The following CDH13 variants were observed in gnomAD, a reference collection of about 807,000 sequenced individuals.
CDH13 encodes cadherin-13.
In CDH13, 24 loss-of-function variants were observed where a neutral mutation model predicts 63.8. The observed-to-expected ratio is 0.38, with a 90% CI of 0.27 to 0.53. The LOEUF is 0.53. Among genes scored for constraint, CDH13 ranks in the 20% least tolerant of loss-of-function variants. CDH13 has a pLI of 0.85. For missense variants in CDH13, 1,049 were observed against 903.1 expected, an observed-to-expected ratio of 1.16 and a Z score of -2.07; for synonymous variants, 503 against 355.3, an observed-to-expected ratio of 1.42 and a Z score of -4.67.
At chr16:83,057,906 G>T (rs1484462377) in intron 3 of CDH13, among the ~76,000 whole-genome samples, 2 of 152,090 alleles carry the variant, frequency 1.3e-5, no homozygotes, top group Non-Finnish European at 1.5e-5. Context: ...TCAATGGTAA[G>T]GTTCCTCCCT....
chr16:82,934,163 C>G (rs1401756392), intron 2 of CDH13, among the ~76,000 whole-genome samples: 1 of 152,262 alleles, frequency 6.6e-6, no homozygotes. Flanking sequence ...CTGCAGCAGA[C>G]TTCTGCCTGG....
intron 2 of CDH13, among the ~76,000 whole-genome samples, chr16:82,878,204 G>T (rs1358332027): frequency 1.3e-5 from 2 of 151,802 alleles, no homozygotes; most frequent in Non-Finnish European, 2.9e-5. Context: ...AGGATCTCAG[G>T]GTGGGTGGCA....
At chr16:83,269,866 T>C (rs1474451073) in intron 5 of CDH13, among the ~76,000 whole-genome samples, 1 of 152,180 alleles carries the variant, frequency 6.6e-6, no homozygotes, top group Non-Finnish European at 1.5e-5. Flanking sequence ...CTCATCTGAT[T>C]TGTCTGTCCT....
rs542393226 is a variant in CDH13 at position 82,813,636 on chromosome 16, G to C, written c.46-44726G>C. 5.9e-5 allele frequency among the ~76,000 whole-genome samples: 9 copies of C among 152,258 alleles called. No homozygotes were observed. In the South Asian group the frequency reaches 1.2e-3, roughly 21 times the overall value. On this transcript the variant is annotated intron_variant, in intron 1 of 13. Transcript: ENST00000567109. ...TGTGTCTGTGGCTATACAGACCCCA[G>C]ATTGCTGGGGCTGGACTTTGCATGT...
At chr16:82,943,166 C>T (rs970981583) in intron 2 of CDH13, among the ~76,000 whole-genome samples, 8 of 152,140 alleles carry the variant, frequency 5.3e-5, no homozygotes, top group African/African-American at 1.9e-4. Context: ...TGTCATCTCC[C>T]ACTTACTGAG....
intron 13 of CDH13, among the ~76,000 whole-genome samples, chr16:83,793,094 C>A (rs1288377674): frequency 6.6e-6 from 1 of 152,152 alleles, no homozygotes; most frequent in African/African-American, 2.4e-5. Context: ...TGATTAATTT[C>A]TTTCTTTTTT....
intron 1 of CDH13, among the ~76,000 whole-genome samples, chr16:82,722,299 A>G (rs965221861): frequency 2.0e-5 from 3 of 152,074 alleles, no homozygotes; most frequent in Admixed American, 1.3e-4. Flanking sequence ...GTTTCTCTCC[A>G]TCTCTTGGCT....
intron 7 of CDH13, among the ~76,000 whole-genome samples, chr16:83,563,089 A>G (rs75123585): frequency 0.13 from 20,493 of 152,252 alleles, 1,962 homozygotes; most frequent in East Asian, 0.41. Flanking sequence ...GAGTAAGTAT[A>G]TGAATGATGC....
chr16:82,969,950 T>TA lies in CDH13; in HGVS notation c.158-62059dup, dbSNP rs1200765069. On this transcript the variant is annotated intron_variant, in intron 2 of 13. Transcript: ENST00000567109. ...CATTTAGTATTTCTCTTTTTTTTTTTATTATACTTTAAGTTCTGGGGTACG... is the reference window on the plus strand; with the variant it reads ...CATTTAGTATTTCTCTTTTTTTTTTTAATTATACTTTAAGTTCTGGGGTACG... Among the ~76,000 whole-genome samples the TA allele has an allele frequency of 2.0e-5, 3 of 152,004 alleles. No homozygotes were observed. The East Asian group carries it at 5.8e-4, about 29-fold the overall frequency.
At chr16:83,251,961 A>G (rs973750590) in intron 5 of CDH13, among the ~76,000 whole-genome samples, 2 of 151,830 alleles carry the variant, frequency 1.3e-5, no homozygotes, top group African/African-American at 4.8e-5. Context: ...AATCCCTACA[A>G]AGACCCTTAT....
intron 3 of CDH13, among the ~76,000 whole-genome samples, chr16:83,052,957 G>A (rs572494650): frequency 2.6e-5 from 4 of 152,110 alleles, no homozygotes; most frequent in Middle Eastern, 3.4e-3. Context: ...TTCTTTCCAC[G>A]ATAGAAGACC....
At chr16:83,693,086 GA>G (rs1482647249) in intron 10 of CDH13, among the ~76,000 whole-genome samples, 1 of 151,884 alleles carries the variant, frequency 6.6e-6, no homozygotes, top group Non-Finnish European at 1.5e-5. Flanking sequence ...CCATCTCGAA[GA>G]AAAAAAGAAA....
intron 6 of CDH13, among the ~76,000 whole-genome samples, chr16:83,449,802 G>C (rs1157819512): frequency 6.6e-6 from 1 of 152,176 alleles, no homozygotes; most frequent in Non-Finnish European, 1.5e-5. Context: ...TTAACGCTGG[G>C]ACGTACTCTG....
chr16:82,698,113 C>T (rs1003907737), intron 1 of CDH13, among the ~76,000 whole-genome samples: 2 of 152,170 alleles, frequency 1.3e-5, no homozygotes, highest in Non-Finnish European at 2.9e-5. Context: ...CAGGCAGGTT[C>T]TAACTGTTGC....
intron 6 of CDH13, among the ~76,000 whole-genome samples, chr16:83,413,843 T>G (rs777248263): frequency 3.3e-5 from 5 of 151,852 alleles, no homozygotes; most frequent in Non-Finnish European, 7.4e-5. Flanking sequence ...CAAAAAAAAT[T>G]TGCTAGGTGT....
At chr16:82,984,454 A>G (rs77944841) in intron 2 of CDH13, among the ~76,000 whole-genome samples, 2,883 of 152,322 alleles carry the variant, frequency 0.019, 37 homozygotes, top group South Asian at 0.031. Flanking sequence ...AAGATATTCA[A>G]CTTCTCAGAA....
intron 1 of CDH13, among the ~76,000 whole-genome samples, chr16:82,807,542 A>C (rs574103462): frequency 1.4e-5 from 2 of 146,462 alleles, no homozygotes; most frequent in Non-Finnish European, 1.5e-5. Context: ...GAGCAAAACC[A>C]TCTGGGTAAA....
chr16:83,306,110 T>C (rs1567578820), intron 5 of CDH13, among the ~76,000 whole-genome samples: 1 of 152,158 alleles, frequency 6.6e-6, no homozygotes, highest in Non-Finnish European at 1.5e-5. Flanking sequence ...TAACCAAAAA[T>C]GTCTCCCGAC....
intron 1 of CDH13, among the ~76,000 whole-genome samples, chr16:82,791,992 T>G (rs2036330037): frequency 6.6e-6 from 1 of 152,132 alleles, no homozygotes. Context: ...GGGATTACAA[T>G]TCAAGATGAG....
Sources: gnomAD v4.1 joint callset for allele counts (sites outside exome capture counted in the v4.1 genomes callset) on GRCh38, gnomAD v4.1.1 for gene constraint, MANE v1.5 for transcripts, NCBI Gene and HGNC (gene_info 2026-07-23, HGNC 2026-07-21) for gene names.